SDK1: variants seen among roughly 807,000 people sequenced by gnomAD.
The protein encoded by SDK1 is sidekick cell adhesion molecule 1.
A neutral mutation model predicts 245.5 loss-of-function variants in SDK1; 157 were observed. The observed-to-expected ratio is 0.64, with a 90% CI of 0.56 to 0.73. SDK1 has a LOEUF of 0.73. Ranked by LOEUF, SDK1 falls within the 30% of genes least tolerant of loss-of-function variation. The pLI is 0.00. For synonymous variants in SDK1, 1,647 were observed against 1,278.5 expected (o/e 1.29, Z -6.15); for missense variants, 3,583 against 3,002.3 (o/e 1.19, Z -4.52).
chr7:3,949,051 T>G (rs562359285), intron 5 of SDK1, among the ~76,000 whole-genome samples: 1 of 152,270 alleles, frequency 6.6e-6, no homozygotes, highest in African/African-American at 2.4e-5. Flanking sequence ...CGTGAGTGCA[T>G]CCGGACTCTG....
chr7:4,127,024 C>T (rs1784434411), intron 25 of SDK1, among the ~76,000 whole-genome samples: 1 of 152,076 alleles, frequency 6.6e-6, no homozygotes, highest in Non-Finnish European at 1.5e-5. Flanking sequence ...CACAGAATAC[C>T]ACATTTAGAG....
chr7:4,005,333 AT>A (rs1785388176), intron 14 of SDK1, among the ~76,000 whole-genome samples: 1 of 147,890 alleles, frequency 6.8e-6, no homozygotes, highest in South Asian at 2.1e-4. Context: ...CACCTTCTTT[AT>A]TGCCTGGAGA....
intron 4 of SDK1, among the ~76,000 whole-genome samples, chr7:3,703,403 T>C (rs964944630): frequency 1.6e-4 from 24 of 152,228 alleles, no homozygotes; most frequent in African/African-American, 5.3e-4. Flanking sequence ...TGTAACATTC[T>C]CAAAATGAGA....
chr7:3,576,730 A>G (rs755702872), intron 1 of SDK1, among the ~76,000 whole-genome samples: 1 of 152,064 alleles, frequency 6.6e-6, no homozygotes, highest in Non-Finnish European at 1.5e-5. Context: ...ACGTGCACAA[A>G]CTAAGAAGTG....
intron 1 of SDK1, among the ~76,000 whole-genome samples, chr7:3,416,585 C>T (rs1159495258): frequency 6.6e-6 from 1 of 151,824 alleles, no homozygotes. Context: ...GTTCCCCTGG[C>T]AGGCCTAATC....
At chr7:3,943,620 G>T (rs528891302) in intron 5 of SDK1, among the ~76,000 whole-genome samples, 1 of 151,440 alleles carries the variant, frequency 6.6e-6, no homozygotes, top group African/African-American at 2.4e-5. Context: ...CCCGGCGCAC[G>T]GTGCGGGGCT....
At chr7:3,375,752 C>T (rs1781339299) in intron 1 of SDK1, among the ~76,000 whole-genome samples, 1 of 152,114 alleles carries the variant, frequency 6.6e-6, no homozygotes, top group Admixed American at 6.5e-5. Flanking sequence ...GATCCTCCAG[C>T]CCCAGGGAAG....
chr7:3,607,751 A>G (rs1406051687), intron 1 of SDK1, among the ~76,000 whole-genome samples: 2 of 152,258 alleles, frequency 1.3e-5, no homozygotes, highest in Non-Finnish European at 2.9e-5. Context: ...TTCAAGATCC[A>G]GCATTCTGTA....
At chr7:4,015,504 G>A (rs557080920) in intron 16 of SDK1, among the ~76,000 whole-genome samples, 1 of 152,258 alleles carries the variant, frequency 6.6e-6, no homozygotes, top group South Asian at 2.1e-4. Flanking sequence ...AATGTAAGTG[G>A]AAATACCTGT....
rs71029682 is a variant in SDK1 at position 3,582,683 on chromosome 7, T to TAAAAAAAAAAAAAAAAAAAA, written c.299-36390_299-36371dup. Among the ~76,000 whole-genome samples the TAAAAAAAAAAAAAAAAAAAA allele has an allele frequency of 6.2e-4, 43 of 69,684 alleles. 1 individual carries two copies. Among genetic ancestry groups the TAAAAAAAAAAAAAAAAAAAA allele is most frequent in the African/African-American group, 1.5e-3 (26 of 17,702 alleles). The allele number at this position is 69,684 out of a possible 152,430, so 45.7% of individuals were successfully genotyped here. A position where few individuals can be genotyped will look rare whatever the true frequency, so the allele number is the denominator to read the frequency against. ...ATGTAGCCCTGAACCTAAACTAAAG[T>TAAAAAAAAAAAAAAAAAAAA]AAAAAAAAAAAAAAAAAAAAAAAAA... On this transcript the variant is annotated intron_variant, in intron 1 of 44. Coordinates refer to ENST00000404826, the MANE Select transcript of SDK1 (RefSeq NM_152744.4).
At chr7:3,663,404 G>T (rs1783425067) in intron 4 of SDK1, among the ~76,000 whole-genome samples, 1 of 152,178 alleles carries the variant, frequency 6.6e-6, no homozygotes, top group African/African-American at 2.4e-5. Flanking sequence ...AATATATAGG[G>T]AAGTGGGATT....
At position 3,452,475 on chromosome 7, in the gene SDK1, TTAG is replaced by T. The variant is rs756358817; in HGVS notation, c.298+150594_298+150596del. Among the ~76,000 whole-genome samples, 56 of 152,310 alleles carry T rather than the reference TTAG, an allele frequency of 3.7e-4. No individual in the cohort carries two copies. The Middle Eastern group carries it at 0.01, about 28-fold the overall frequency. On this transcript the variant is annotated intron_variant, in intron 1 of 44. Coordinates refer to ENST00000404826, the MANE Select transcript of SDK1 (RefSeq NM_152744.4). ...CCCTGTAATAAAGGTAACCTTATAATTAGTATGTCAAAAAAGCAAGAAAGTTAT... is the reference window on the plus strand; with the variant it reads ...CCCTGTAATAAAGGTAACCTTATAATTATGTCAAAAAAGCAAGAAAGTTAT...
At chr7:4,115,485 C>T (rs766233731) in intron 25 of SDK1, among the ~76,000 whole-genome samples, 5 of 152,196 alleles carry the variant, frequency 3.3e-5, no homozygotes, top group East Asian at 1.9e-4. Flanking sequence ...CCCTCTTATT[C>T]GCTCTCTTTT....
chr7:4,208,382 C>G, intron 37 of SDK1, 97 bp downstream of exon 37: 1 of 1,159,522 alleles, frequency 8.6e-7, no homozygotes, highest in Non-Finnish European at 1.2e-6. Context: ...CCCGGCCCGC[C>G]CAGGCGGAAG....
At chr7:3,317,640 G>C (rs1321030349) in intron 1 of SDK1, among the ~76,000 whole-genome samples, 1 of 151,990 alleles carries the variant, frequency 6.6e-6, no homozygotes, top group African/African-American at 2.4e-5. Flanking sequence ...TTTTCTACTT[G>C]CAGACTCTTC....
chr7:4,108,524 C>G (rs1229017908), intron 22 of SDK1, among the ~76,000 whole-genome samples: 1 of 152,158 alleles, frequency 6.6e-6, no homozygotes, highest in Non-Finnish European at 1.5e-5. Context: ...TCTGGCTGTG[C>G]AAGCTGCACA....
At chr7:4,238,321 C>A (rs1452359251) in intron 42 of SDK1, among the ~76,000 whole-genome samples, 3 of 152,012 alleles carry the variant, frequency 2.0e-5, no homozygotes, top group Non-Finnish European at 4.4e-5. Flanking sequence ...CTCAGGTGAT[C>A]TGCCCGCCTC....
Position 4,088,422 on chromosome 7 carries a change from C to T in SDK1, c.3324+8838C>T, listed in dbSNP as rs912556706. On this transcript the variant is annotated intron_variant, in intron 22 of 44. Coordinates refer to ENST00000404826, the MANE Select transcript of SDK1 (RefSeq NM_152744.4). The stretch of plus-strand genomic sequence containing the variant: ...ATAGAAGACAATCTTTGTTTTGTCA[C>T]TCTAAAGAAATTATTGTAAGATTTT... Among the ~76,000 whole-genome samples the T allele has an allele frequency of 6.6e-5, 10 of 152,266 alleles. No individual in the cohort carries two copies. The Middle Eastern group carries it at 0.01, about 156-fold the overall frequency.
intron 5 of SDK1, among the ~76,000 whole-genome samples, chr7:3,893,047 C>T (rs952692123): frequency 6.6e-6 from 1 of 152,102 alleles, no homozygotes; most frequent in Non-Finnish European, 1.5e-5. Flanking sequence ...CCCAGGCAGC[C>T]GTTTACCAGG....
Sources: allele counts gnomAD v4.1 joint callset (sites outside exome capture counted in the v4.1 genomes callset), GRCh38; gene constraint gnomAD v4.1.1; transcripts MANE v1.5; gene names NCBI Gene and HGNC (gene_info 2026-07-23, HGNC 2026-07-21).